Variants in GPD2 observed in about 807,000 individuals in gnomAD.
The protein encoded by GPD2 is glycerol-3-phosphate dehydrogenase, mitochondrial.
A neutral mutation model predicts 82.4 loss-of-function variants in GPD2; 54 were observed. That is an observed-to-expected ratio of 0.66 (90% CI 0.53 to 0.82). GPD2 has a LOEUF of 0.82. Among genes scored for constraint, GPD2 ranks in the 40% least tolerant of loss-of-function variants. The pLI is 0.00. For missense variants in GPD2, 748 were observed against 896.2 expected (o/e 0.83, Z 2.11); for synonymous variants, 288 against 306.1 (o/e 0.94, Z 0.62).
the GPD2 span, among the ~76,000 whole-genome samples, chr2:156,409,349 T>G: frequency 2.0e-5 from 3 of 152,186 alleles, no homozygotes; most frequent in African/African-American, 7.2e-5. Flanking sequence ...TTAACTTCAT[T>G]CTTAATATTA....
chr2:156,468,052 C>G (rs1683206618), intron 1 of GPD2, among the ~76,000 whole-genome samples: 1 of 152,108 alleles, frequency 6.6e-6, no homozygotes. Context: ...AGCACTGTAT[C>G]AGCATATGTT....
At chr2:156,484,416 C>CGT (rs1225201419) in intron 2 of GPD2, among the ~76,000 whole-genome samples, 1 of 152,150 alleles carries the variant, frequency 6.6e-6, no homozygotes, top group South Asian at 2.1e-4. Context: ...GGATTACAGG[C>CGT]GTGAGCCCAG....
the GPD2 span, among the ~76,000 whole-genome samples, chr2:156,415,522 A>G: frequency 1.4e-3 from 209 of 151,934 alleles, 5 homozygotes; most frequent in African/African-American, 4.4e-3. Context: ...GAGAACATAC[A>G]ATGTTTGGTT....
chr2:156,454,134 G>A (rs1424061980), intron 1 of GPD2, among the ~76,000 whole-genome samples: 2 of 152,092 alleles, frequency 1.3e-5, no homozygotes, highest in African/African-American at 4.8e-5. Context: ...GGGATCTTGG[G>A]GTTATGAACA....
At chr2:156,499,520 G>A (rs980762967) in intron 3 of GPD2, among the ~76,000 whole-genome samples, 4 of 152,000 alleles carry the variant, frequency 2.6e-5, no homozygotes, top group South Asian at 4.1e-4. Flanking sequence ...TAATAATAAG[G>A]CAATCACTAA....
chr2:156,428,179 A>G, the GPD2 span, among the ~76,000 whole-genome samples: 1 of 152,202 alleles, frequency 6.6e-6, no homozygotes, highest in Non-Finnish European at 1.5e-5. Flanking sequence ...TCAGTCTACC[A>G]TAGTGTAGCT....
At chr2:156,467,195 T>G (rs2105185946) in intron 1 of GPD2, among the ~76,000 whole-genome samples, 1 of 152,280 alleles carries the variant, frequency 6.6e-6, no homozygotes, top group African/African-American at 2.4e-5. Context: ...CTGGCAGTAA[T>G]TGCCTGGGGA....
chr2:156,553,449 A>G (rs1686840771), intron 8 of GPD2, among the ~76,000 whole-genome samples: 1 of 152,230 alleles, frequency 6.6e-6, no homozygotes, highest in Admixed American at 6.5e-5. Flanking sequence ...AACTATGAAA[A>G]TAAAACATGA....
At chr2:156,412,144 T>A in the GPD2 span, among the ~76,000 whole-genome samples, 1 of 151,998 alleles carries the variant, frequency 6.6e-6, no homozygotes, top group Admixed American at 6.6e-5. Flanking sequence ...TCCTTAGGAG[T>A]ATAGGATTTG....
the GPD2 span, among the ~76,000 whole-genome samples, chr2:156,417,403 A>G: frequency 6.6e-6 from 1 of 152,340 alleles, no homozygotes; most frequent in East Asian, 1.9e-4. Flanking sequence ...TATTACAATT[A>G]AACATATGTC....
At chr2:156,423,493 T>C in the GPD2 span, among the ~76,000 whole-genome samples, 3 of 152,198 alleles carry the variant, frequency 2.0e-5, no homozygotes, top group African/African-American at 7.2e-5. Context: ...ATGGGATTTT[T>C]CTTTTTGGAA....
At chr2:156,526,066 G>A (rs897976425) in intron 6 of GPD2, among the ~76,000 whole-genome samples, 2 of 152,062 alleles carry the variant, frequency 1.3e-5, no homozygotes, top group Non-Finnish European at 2.9e-5. Flanking sequence ...TAATAGAGTA[G>A]ATACTGCTTT....
chr2:156,449,609 A>T (rs1682481544), intron 1 of GPD2, among the ~76,000 whole-genome samples: 1 of 152,162 alleles, frequency 6.6e-6, no homozygotes, highest in Non-Finnish European at 1.5e-5. Flanking sequence ...ATCAAAGATT[A>T]TGCTGGCTGC....
At chr2:156,545,384 G>A (rs145690811) in intron 6 of GPD2, among the ~76,000 whole-genome samples, 2 of 152,292 alleles carry the variant, frequency 1.3e-5, no homozygotes, top group African/African-American at 4.8e-5. Context: ...AAGCTTTAGG[G>A]AGGTATTGTT....
At chr2:156,410,277 TA>T in the GPD2 span, among the ~76,000 whole-genome samples, 1 of 152,176 alleles carries the variant, frequency 6.6e-6, no homozygotes. Flanking sequence ...ATTCCTAGTC[TA>T]AAGGTTTGTA....
chr2:156,400,780 T>C, the GPD2 span, among the ~76,000 whole-genome samples: 5 of 152,218 alleles, frequency 3.3e-5, no homozygotes, highest in Non-Finnish European at 7.3e-5. Flanking sequence ...GGGATGTAGC[T>C]CAGTGGTAGA....
At chr2:156,414,781 T>A in the GPD2 span, among the ~76,000 whole-genome samples, 1 of 152,184 alleles carries the variant, frequency 6.6e-6, no homozygotes, top group African/African-American at 2.4e-5. Flanking sequence ...ATTATATCAT[T>A]CCCATTTACA....
intron 8 of GPD2, 96 bp from the exon 9 acceptor site, chr2:156,557,293 A>G (rs1372598098): frequency 6.2e-6 from 5 of 803,400 alleles, no homozygotes; most frequent in East Asian, 2.6e-5. Context: ...TCTTGTTTGC[A>G]TATTTGAGAA....
the GPD2 span, among the ~76,000 whole-genome samples, chr2:156,405,993 C>G: frequency 6.6e-6 from 1 of 151,600 alleles, no homozygotes; most frequent in African/African-American, 2.4e-5. Flanking sequence ...AGAAAGTAAA[C>G]AGTTCAGAAA....
Sources: allele counts gnomAD v4.1 joint callset (sites outside exome capture counted in the v4.1 genomes callset), GRCh38; gene constraint gnomAD v4.1.1; transcripts MANE v1.5; gene names NCBI Gene and HGNC (gene_info 2026-07-23, HGNC 2026-07-21).